Variants in PRAME observed in about 807,000 individuals in gnomAD.
PRAME encodes PRAME nuclear receptor transcriptional regulator.
Under a neutral mutation model 32.1 loss-of-function variants are expected in PRAME, and 21 were observed. The ratio of observed to expected loss-of-function variants is 0.65; its 90% CI spans 0.46 to 0.94. The LOEUF (loss-of-function observed/expected upper bound fraction) is 0.94. Among genes scored for constraint, PRAME ranks in the 40% least tolerant of loss-of-function variants. The probability of loss-of-function intolerance (pLI) is 0.00; values close to 1 mark genes in which losing one functional copy is unlikely to be tolerated. For synonymous variants in PRAME, 274 were observed against 251.5 expected, an observed-to-expected ratio of 1.09 and a Z score of -0.85; for missense variants, 651 against 622.3, an observed-to-expected ratio of 1.05 and a Z score of -0.49.
Position 22,559,155 on chromosome 22 carries a change from C to T in PRAME, c.-298G>A. 1 of 252,668 alleles carries T rather than the reference C, an allele frequency of 4.0e-6. No individual in the cohort carries two copies. The highest frequency in any genetic ancestry group is 7.7e-6 in the Non-Finnish European group (1 of 129,312). The allele number at this position is 252,668 out of a possible 1,614,324, so 15.7% of individuals were successfully genotyped here. On this transcript the variant is annotated 5_prime_UTR_variant, in exon 1 of 6. Transcript: ENST00000405655. ...GCTTTCCCTACATTCAGGGCTGCTC[C>T]TTTTGTCGCCAATACAGACCTGTTG...
At chr22:22,551,223 T>G in intron 3 of PRAME, 134 bp from the exon 4 acceptor site, 1 of 768,142 alleles carries the variant, frequency 1.3e-6, no homozygotes, top group East Asian at 2.7e-5. Flanking sequence ...GTTCTCAGTT[T>G]ACCCCGATTC....
chr22:22,548,337 TATGGAG>T lies in PRAME; in HGVS notation c.1254_1259del (p.Ile420_Ser421del), dbSNP rs2062360856. The T allele has an allele frequency of 6.2e-7, 1 of 1,613,554 alleles. No individual in the cohort carries two copies. The highest frequency in any genetic ancestry group is 1.3e-5 in the African/African-American group (1 of 74,922). ...GCTGCAGGAGACTCTGCAGGGCAGA[TATGGAG>T]ATGGAATTCCCGTAGAAGCTTAAGG... On this transcript the variant is annotated inframe_deletion, in exon 6 of 6. Transcript: ENST00000405655.
Position 22,551,088 on chromosome 22 carries a change from C to A in PRAME, c.23G>T (p.Gly8Val). Residue 8 changes from glycine to valine, a missense_variant and splice_region_variant, in exon 4 of 6, where the codon GGT becomes GTT. Transcript: ENST00000405655. MERRRLW[G>V]SIQSRYISMS... is the part of the protein sequence containing the mutation. Reference sequence around the variant, plus strand: ...GCTGATGTATCGGCTCTGAATGGAACCCTGAGGAAACATACAGGGAACAAG... The same window carrying A: ...GCTGATGTATCGGCTCTGAATGGAAACCTGAGGAAACATACAGGGAACAAG... The A allele has an allele frequency of 6.4e-7, 1 of 1,561,368 alleles. No homozygotes were observed. The highest frequency in any genetic ancestry group is 8.7e-7 in the Non-Finnish European group (1 of 1,149,444).
intron 3 of PRAME, chr22:22,555,935 C>CG (rs961776601): frequency 3.4e-5 from 16 of 469,374 alleles, no homozygotes; most frequent in African/African-American, 3.2e-4. Flanking sequence ...CTGATTACCC[C>CG]GGGGAAAGGT....
In PRAME at chr22:22,548,288, T is replaced by A. The variant is rs1435232546; in HGVS notation, c.1309A>T (p.Thr437Ser). The change falls in exon 6 of 6, where the codon ACC (threonine) becomes TCC (serine). Residue 437 changes from threonine to serine, a missense_variant. Transcript: ENST00000405655. Reference sequence around the variant, plus strand: ...AGGGGGACAGGATACAGCACGTGGGTCAGATTGCTCAGCCCGATGAGGTGC... The same window carrying A: ...AGGGGGACAGGATACAGCACGTGGGACAGATTGCTCAGCCCGATGAGGTGC... ...LQHLIGLSNLTHVLYPVPLES... is the reference protein window; with the variant it reads ...LQHLIGLSNLSHVLYPVPLES... 6.2e-7 allele frequency: 1 copy of A among 1,613,662 alleles called. No individual in the cohort carries two copies. The highest frequency in any genetic ancestry group is 2.2e-5 in the East Asian group (1 of 44,770).
Position 22,550,091 on chromosome 22 carries a change from A to C in PRAME, c.588T>G (p.Ile196Met). Residue 196 changes from isoleucine to methionine, a missense_variant, in exon 5 of 6, where the codon ATT (isoleucine) becomes ATG (methionine). Physicochemically the swap from Ile to Met is conservative, Grantham distance 10. Transcript: ENST00000405655. The part of the protein sequence containing the change: ...GACDELFSYL[I>M]EKVKRKKNVL... ...CATTTTTCTTTCGCTTCACTTTCTC[A>C]ATGAGGTAGGAGAACAATTCATCAC... 2 of 1,613,880 alleles carry C rather than the reference A, an allele frequency of 1.2e-6. No homozygotes were observed. The highest frequency in any genetic ancestry group is 2.2e-5 in the East Asian group (1 of 44,798).
chr22:22,553,712 A>G (rs2062737068), intron 3 of PRAME: 1 of 858,594 alleles, frequency 1.2e-6, no homozygotes, highest in Non-Finnish European at 1.4e-6. Context: ...CAAACCTAGG[A>G]CAGCAACATT....
At chr22:22,554,005 A>G in intron 3 of PRAME, 1 of 985,174 alleles carries the variant, frequency 1.0e-6, no homozygotes, top group Non-Finnish European at 1.2e-6. Context: ...AGGTACAGAG[A>G]TTCTGGTCAG....
rs201476543 is a variant in PRAME, at chr22:22,548,171, G to A, written c.1426C>T (p.Arg476Trp). The part of the protein sequence containing the change: ...RLRELLCELG[R>W]PSMVWLSANP... ...GCACTAAGCCAGACCATGCTGGGCC[G>A]CCCCAACTCACACAGCAACTCCCTG... The change falls in exon 6 of 6, where the codon CGG becomes TGG. Residue 476 changes from arginine (R) to tryptophan (W), a missense_variant. By Grantham distance (101) the Arg-to-Trp change is moderately radical. Transcript: ENST00000405655. The A allele has an allele frequency of 5.8e-5, 93 of 1,613,794 alleles. No homozygotes were observed. The highest frequency in any genetic ancestry group is 1.7e-4 in the Middle Eastern group (1 of 6,052).
chr22:22,551,705 A>G (rs932465518), intron 3 of PRAME, among the ~76,000 whole-genome samples: 1 of 151,940 alleles, frequency 6.6e-6, no homozygotes, highest in Non-Finnish European at 1.5e-5. Context: ...TACTACTTTG[A>G]CATGGAAATC....
At chr22:22,554,061 T>C (rs559630101) in intron 3 of PRAME, 43 of 984,700 alleles carry the variant, frequency 4.4e-5, no homozygotes, top group Non-Finnish European at 5.1e-5. Flanking sequence ...TTTCTCTATT[T>C]CCATGCTAGG....
At chr22:22,553,825 A>T in intron 3 of PRAME, 1 of 985,194 alleles carries the variant, frequency 1.0e-6, no homozygotes, top group Non-Finnish European at 1.2e-6. Flanking sequence ...AAGTTGTCAG[A>T]AGACCTTCTC....
At chr22:22,552,515 ATAC>A (rs2062649097) in intron 3 of PRAME, among the ~76,000 whole-genome samples, 1 of 151,874 alleles carries the variant, frequency 6.6e-6, no homozygotes, top group Non-Finnish European at 1.5e-5. Context: ...GGTAATGGTT[ATAC>A]TAATTACCAT....
rs987457339 is a variant in PRAME, at chr22:22,548,699, C to T, written c.954-56G>A. On this transcript the variant is annotated intron_variant, in intron 5 of 5. Coordinates refer to ENST00000405655, the MANE Select transcript of PRAME (RefSeq NM_206956.3). ...GAATGGTGGTAGTGGGGTGGGGAGA[C>T]TGGAGAGAGGCCCATTTCACCAAAA... is the stretch of plus-strand genomic sequence containing the variant. 1.5e-5 allele frequency: 21 copies of T among 1,439,742 alleles called. No homozygotes were observed. The Admixed American group carries it at 3.5e-4, about 24-fold the overall frequency. The allele number at this position is 1,439,742 out of a possible 1,614,324, so 89.2% of individuals were successfully genotyped here. A position where few individuals can be genotyped will look rare whatever the true frequency, so the allele number is the denominator to read the frequency against.
chr22:22,549,655 A>G, intron 5 of PRAME, 71 bp downstream of exon 5: 3 of 1,504,662 alleles, frequency 2.0e-6, no homozygotes, highest in South Asian at 1.4e-5. Flanking sequence ...CACATACAAG[A>G]TATCCTTTAT....
intron 3 of PRAME, among the ~76,000 whole-genome samples, chr22:22,552,394 CTT>C (rs1173303771): frequency 1.5e-5 from 1 of 67,262 alleles, no homozygotes; most frequent in Non-Finnish European, 2.6e-5. Context: ...AAGTAGATGT[CTT>C]TTATTTTCCA....
rs1207319641 is a variant in PRAME, at chr22:22,550,315, G to A, written c.364C>T (p.Leu122=). 1 of 1,612,346 alleles carries A rather than the reference G, an allele frequency of 6.2e-7. No homozygotes were observed. The highest frequency in any genetic ancestry group is 1.3e-5 in the African/African-American group (1 of 74,780). ...TGATGAGAGTTCTTCCGTAAATCCA[G>A]CACTTGAAGTTTCCACCTCCTGTGG... is the stretch of plus-strand genomic sequence containing the variant. The part of the protein sequence containing the change: ...VRPRRWKLQV[L]DLRKNSHQDF... The change falls in exon 5 of 6, where the codon CTG becomes TTG. Residue 122 remains leucine, a synonymous_variant. Transcript: ENST00000405655.
At chr22:22,549,284 C>T (rs182356934) in intron 5 of PRAME, among the ~76,000 whole-genome samples, 30 of 152,058 alleles carry the variant, frequency 2.0e-4, no homozygotes, top group African/African-American at 6.7e-4. Context: ...TCACCCTTTA[C>T]AGACAGGAAA....
At position 22,548,233 on chromosome 22, in the gene PRAME, A is replaced by C. The variant is rs1418265629; in HGVS notation, c.1364T>G (p.Leu455Arg). The C allele has an allele frequency of 4.3e-6, 7 of 1,613,686 alleles. No homozygotes were observed. The highest frequency in any genetic ancestry group is 5.9e-6 in the Non-Finnish European group (7 of 1,179,976). Residue 455 changes from leucine (L) to arginine (R), a missense_variant, in exon 6 of 6, where the codon CTC becomes CGC. By Grantham distance (102) the Leu-to-Arg change is moderately radical. Coordinates refer to ENST00000405655, the MANE Select transcript of PRAME (RefSeq NM_206956.3). ...LESYEDIHGT[L>R]HLERLAYLHA... ...CAGATAGGCAAGCCTCTCCAGGTGGAGGGTACCATGGATGTCCTCATAACT... is the reference window on the plus strand; with the variant it reads ...CAGATAGGCAAGCCTCTCCAGGTGGCGGGTACCATGGATGTCCTCATAACT...
Sources: gnomAD v4.1 joint callset for allele counts (sites outside exome capture counted in the v4.1 genomes callset) on GRCh38, gnomAD v4.1.1 for gene constraint, MANE v1.5 for transcripts, NCBI Gene and HGNC (gene_info 2026-07-23, HGNC 2026-07-21) for gene names.